Variants in MAMDC2 observed in about 807,000 individuals in gnomAD.
MAMDC2 encodes the protein MAM domain containing 2.
A neutral mutation model predicts 89.8 loss-of-function variants in MAMDC2; 57 were observed. The observed-to-expected ratio is 0.63, with a 90% CI of 0.51 to 0.79. The LOEUF (loss-of-function observed/expected upper bound fraction) is 0.79. Ranked by LOEUF, MAMDC2 falls within the 30% of genes least tolerant of loss-of-function variation. MAMDC2 has a pLI of 0.00. For synonymous variants in MAMDC2, 313 were observed against 293.4 expected (o/e 1.07, Z -0.68); for missense variants, 800 against 820.6 (o/e 0.97, Z 0.31).
At chr9:70,089,120 T>G (rs1159349170) in intron 2 of MAMDC2, 1 of 152,184 alleles carries the variant, frequency 6.6e-6, no homozygotes, top group African/African-American at 2.4e-5. Flanking sequence ...TTATTCTAAG[T>G]AAGAGCTACC....
At chr9:70,134,880 C>A (rs1328171178) in intron 7 of MAMDC2, among the ~76,000 whole-genome samples, 8 of 152,154 alleles carry the variant, frequency 5.3e-5, no homozygotes, top group African/African-American at 1.9e-4. Flanking sequence ...TGGGCTGGCA[C>A]ATGCTAGAGT....
chr9:70,209,902 C>T (rs904900421), intron 11 of MAMDC2, among the ~76,000 whole-genome samples: 3 of 152,178 alleles, frequency 2.0e-5, no homozygotes, highest in Non-Finnish European at 4.4e-5. Context: ...ACCCAATAGT[C>T]ATTCAGGAGC....
At chr9:70,217,279 T>C in intron 11 of MAMDC2, 8 of 1,223,406 alleles carry the variant, frequency 6.5e-6, no homozygotes, top group Non-Finnish European at 8.5e-6. Context: ...CGGGAAGGTT[T>C]TCGAGTTTCT....
chr9:70,047,770 G>A (rs1047981405), intron 2 of MAMDC2, among the ~76,000 whole-genome samples: 4 of 152,176 alleles, frequency 2.6e-5, no homozygotes, highest in African/African-American at 4.8e-5. Flanking sequence ...ACAAATCTGC[G>A]AACTGGGGTT....
intron 2 of MAMDC2, among the ~76,000 whole-genome samples, chr9:70,067,601 C>T (rs1827298023): frequency 6.6e-6 from 1 of 152,204 alleles, no homozygotes. Flanking sequence ...TGATTCCAAG[C>T]TCTTTCATCT....
chr9:70,143,830 G>A lies in MAMDC2; in HGVS notation c.1404+11G>A, dbSNP rs1228674299. ...CCCATGCCTACCAAGGTACAGCAGAGCCAATTTCTCCTGTGTCCATGTTCA... is the reference window on the plus strand; with the variant it reads ...CCCATGCCTACCAAGGTACAGCAGAACCAATTTCTCCTGTGTCCATGTTCA... On this transcript the variant is annotated intron_variant, in intron 9 of 13. Coordinates refer to ENST00000377182, the MANE Select transcript of MAMDC2 (RefSeq NM_153267.5). 1.2e-6 allele frequency: 2 copies of A among 1,610,716 alleles called. No individual in the cohort carries two copies. Among genetic ancestry groups the A allele is most frequent in the African/African-American group, 1.3e-5 (1 of 74,736 alleles).
intron 9 of MAMDC2, among the ~76,000 whole-genome samples, chr9:70,149,225 A>G (rs1246366528): frequency 2.1e-5 from 3 of 145,464 alleles, no homozygotes; most frequent in Non-Finnish European, 4.6e-5. Context: ...AAAAAAAAAA[A>G]GAAATTATAA....
chr9:70,218,868 T>C (rs188402921), intron 12 of MAMDC2, among the ~76,000 whole-genome samples: 285 of 152,326 alleles, frequency 1.9e-3, no homozygotes, highest in African/African-American at 6.6e-3. Flanking sequence ...ATTATGGGTG[T>C]CAAGTATATT....
chr9:70,171,003 G>A, intron 11 of MAMDC2: 1 of 197,536 alleles, frequency 5.1e-6, no homozygotes, highest in Admixed American at 6.0e-5. Flanking sequence ...GAGGCATACA[G>A]GTTTGACTCC....
intron 2 of MAMDC2, among the ~76,000 whole-genome samples, chr9:70,096,128 G>A (rs1828021793): frequency 6.6e-6 from 1 of 151,962 alleles, no homozygotes; most frequent in Non-Finnish European, 1.5e-5. Flanking sequence ...AGGCTCAGGT[G>A]ATTCTCCCAC....
chr9:70,131,592 TTC>T lies in MAMDC2; in HGVS notation c.975_976del (p.His326LeufsTer19). 2.5e-6 allele frequency: 4 copies of T among 1,609,862 alleles called. No individual in the cohort carries two copies. The highest frequency in any genetic ancestry group is 3.4e-6 in the Non-Finnish European group (4 of 1,178,750). On this transcript the variant is annotated frameshift_variant, in exon 7 of 14. Coordinates refer to ENST00000377182, the MANE Select transcript of MAMDC2 (RefSeq NM_153267.5). LOFTEE classifies it high-confidence loss of function. ...CTGGATGATATTTCATTCTCTCCTG[TTC>T]ACTGCCAGAATCAGACAGGTGAGCA...
chr9:70,060,804 G>T (rs1344329972), intron 2 of MAMDC2, among the ~76,000 whole-genome samples: 1 of 152,124 alleles, frequency 6.6e-6, no homozygotes, highest in Non-Finnish European at 1.5e-5. Context: ...TGAATTGGTT[G>T]AATGAATTGT....
In MAMDC2 at chr9:70,225,746, T is replaced by C. The variant is rs770449175; in HGVS notation, c.1912-4T>C. On this transcript the variant is annotated splice_polypyrimidine_tract_variant and splice_region_variant and intron_variant, in intron 12 of 13. Transcript: ENST00000377182. ...TTCTAAATTCAAACATATTATTCTTTCAGATAATTTTTGAAGCCATTCGAG... is the reference window on the plus strand; with the variant it reads ...TTCTAAATTCAAACATATTATTCTTCCAGATAATTTTTGAAGCCATTCGAG... The C allele has an allele frequency of 1.2e-5, 18 of 1,550,576 alleles. No individual in the cohort carries two copies. The South Asian group carries it at 1.9e-4, about 16-fold the overall frequency.
chr9:70,181,274 G>A (rs865883622), intron 11 of MAMDC2, among the ~76,000 whole-genome samples: 1 of 152,322 alleles, frequency 6.6e-6, no homozygotes, highest in South Asian at 2.1e-4. Context: ...ATAGTCTGAA[G>A]TCAGGTAACG....
chr9:70,055,509 T>C (rs932189238), intron 2 of MAMDC2, among the ~76,000 whole-genome samples: 1 of 152,110 alleles, frequency 6.6e-6, no homozygotes, highest in African/African-American at 2.4e-5. Flanking sequence ...ACCAAGGAAG[T>C]CAGACTTGCA....
intron 9 of MAMDC2, among the ~76,000 whole-genome samples, chr9:70,162,363 T>A (rs2032001762): frequency 6.6e-6 from 1 of 152,188 alleles, no homozygotes; most frequent in Admixed American, 6.5e-5. Context: ...TTGGTAGTTG[T>A]TAAACTATAA....
intron 7 of MAMDC2, among the ~76,000 whole-genome samples, chr9:70,132,968 T>C (rs1412285336): frequency 6.6e-6 from 1 of 152,228 alleles, no homozygotes; most frequent in Non-Finnish European, 1.5e-5. Context: ...TTACATACTT[T>C]TTAATGATTT....
chr9:70,193,823 A>G (rs2032929112), intron 11 of MAMDC2, among the ~76,000 whole-genome samples: 1 of 152,110 alleles, frequency 6.6e-6, no homozygotes, highest in Non-Finnish European at 1.5e-5. Context: ...CTGTATTTGT[A>G]GATTGAATTC....
intron 11 of MAMDC2, among the ~76,000 whole-genome samples, chr9:70,217,989 C>CTTT (rs1248762536): frequency 1.3e-5 from 2 of 152,190 alleles, no homozygotes; most frequent in African/African-American, 4.8e-5. Flanking sequence ...CCCACCCTCT[C>CTTT]TTTCTCTCCA....
Sources: gnomAD v4.1 joint callset for allele counts (sites outside exome capture counted in the v4.1 genomes callset) on GRCh38, gnomAD v4.1.1 for gene constraint, MANE v1.5 for transcripts, NCBI Gene and HGNC (gene_info 2026-07-23, HGNC 2026-07-21) for gene names.